Variants in PCDH9 observed in about 807,000 individuals in gnomAD.
The protein encoded by PCDH9 is protocadherin-9.
PCDH9 carries 24 observed loss-of-function variants against 70.6 expected under a neutral mutation model. That is an observed-to-expected ratio of 0.34 (90% CI 0.25 to 0.48). The LOEUF is 0.48. PCDH9 is among the 20% of genes least tolerant of loss of function. The probability of loss-of-function intolerance (pLI) is 0.99; values close to 1 mark genes in which losing one functional copy is unlikely to be tolerated. For synonymous variants in PCDH9, 562 were observed against 558.5 expected (o/e 1.01, Z -0.09); for missense variants, 1,281 against 1,503.6 (o/e 0.85, Z 2.45).
At chr13:66,931,595 T>C (rs909488336) in intron 2 of PCDH9, among the ~76,000 whole-genome samples, 1 of 152,134 alleles carries the variant, frequency 6.6e-6, no homozygotes, top group Non-Finnish European at 1.5e-5. Flanking sequence ...AAGTCAAAGA[T>C]GCAAATGCTA....
intron 2 of PCDH9, among the ~76,000 whole-genome samples, chr13:67,006,458 T>C (rs1487893275): frequency 1.3e-5 from 2 of 152,194 alleles, no homozygotes; most frequent in Admixed American, 6.5e-5. Context: ...AAAATACTGA[T>C]TGCCAAGTCT....
At chr13:66,639,812 ATTC>A (rs542132257) in intron 3 of PCDH9, among the ~76,000 whole-genome samples, 4 of 152,190 alleles carry the variant, frequency 2.6e-5, no homozygotes, top group Admixed American at 6.5e-5. Context: ...TGCTTCTTAT[ATTC>A]TTGTTTATTA....
At chr13:66,489,822 T>C (rs1013966811) in intron 4 of PCDH9, among the ~76,000 whole-genome samples, 5 of 152,202 alleles carry the variant, frequency 3.3e-5, no homozygotes, top group Admixed American at 1.3e-4. Context: ...GTTTCTGTTA[T>C]GATAAGAACA....
intron 3 of PCDH9, among the ~76,000 whole-genome samples, chr13:66,891,619 T>C (rs1007265326): frequency 2.0e-4 from 31 of 152,074 alleles, no homozygotes; most frequent in Non-Finnish European, 2.8e-4. Flanking sequence ...CTTCCAGGGA[T>C]AAATATGGAA....
chr13:66,396,363 T>C (rs1957101479), intron 4 of PCDH9, among the ~76,000 whole-genome samples: 2 of 152,214 alleles, frequency 1.3e-5, no homozygotes, highest in African/African-American at 2.4e-5. Context: ...GCCAAGGGCA[T>C]AGTAGCTTCT....
chr13:66,859,764 A>G (rs9540937), intron 3 of PCDH9, among the ~76,000 whole-genome samples: 13,487 of 152,214 alleles, frequency 0.089, 806 homozygotes, highest in Middle Eastern at 0.15. Flanking sequence ...TAATCCATGA[A>G]GAAGGTACAT....
intron 2 of PCDH9, among the ~76,000 whole-genome samples, chr13:67,197,535 T>C (rs570802119): frequency 1.4e-4 from 21 of 152,064 alleles, no homozygotes; most frequent in South Asian, 6.2e-4. Flanking sequence ...CCGGGAAGAT[T>C]TTATAGATGG....
chr13:66,628,622 T>A (rs2077529252), intron 4 of PCDH9, among the ~76,000 whole-genome samples: 1 of 152,170 alleles, frequency 6.6e-6, no homozygotes, highest in Non-Finnish European at 1.5e-5. Context: ...TGCCTTAGCC[T>A]CCCCAGTAAC....
chr13:66,356,498 A>G lies in PCDH9; in HGVS notation c.3341-51470T>C, dbSNP rs367741624. Among the ~76,000 whole-genome samples, 99 of 151,990 alleles carry G rather than the reference A, an allele frequency of 6.5e-4. 2 individuals are homozygous for G. Among genetic ancestry groups the G allele is most frequent in the African/African-American group, 2.3e-3 (94 of 41,488 alleles). On this transcript the variant is annotated intron_variant, in intron 4 of 4. Transcript: ENST00000377865. The stretch of plus-strand genomic sequence containing the variant: ...TTGTTCTACAATTCTAATAGCCTTC[A>G]TTTGTCTTTCTCACTAGTATTTTCT...
intron 4 of PCDH9, among the ~76,000 whole-genome samples, chr13:66,471,887 A>G (rs1669992042): frequency 6.6e-6 from 1 of 152,134 alleles, no homozygotes; most frequent in African/African-American, 2.4e-5. Context: ...CCCAAATTAC[A>G]TTTGTTCATG....
chr13:66,588,328 C>G lies in PCDH9; in HGVS notation c.3340+42882G>C, dbSNP rs377439727. On this transcript the variant is annotated intron_variant, in intron 4 of 4. Coordinates refer to ENST00000377865, the MANE Select transcript of PCDH9 (RefSeq NM_203487.3). ...TAATTTTTCTTCAGAGACAGAAATC[C>G]TTTAAGACCATTGTATCCTTAGGCT... Among the ~76,000 whole-genome samples, 3 of 151,918 alleles carry G rather than the reference C, an allele frequency of 2.0e-5. No individual in the cohort carries two copies. In the South Asian group the frequency reaches 6.3e-4, roughly 32 times the overall value.
At chr13:66,625,416 G>C (rs929802958) in intron 4 of PCDH9, among the ~76,000 whole-genome samples, 1 of 152,062 alleles carries the variant, frequency 6.6e-6, no homozygotes, top group Non-Finnish European at 1.5e-5. Flanking sequence ...AATTAGTGGA[G>C]GGAAGTTCTT....
At chr13:66,971,834 A>G (rs548608932) in intron 2 of PCDH9, among the ~76,000 whole-genome samples, 39 of 152,016 alleles carry the variant, frequency 2.6e-4, no homozygotes, top group Non-Finnish European at 4.9e-4. Flanking sequence ...ATAAAAATAA[A>G]TTAGTCCTTG....
In PCDH9 at chr13:66,944,817, C is replaced by CTGTGTGTGTGTGTGTG. The variant is rs67182136; in HGVS notation, c.3037-41228_3037-41213dup. On this transcript the variant is annotated intron_variant, in intron 2 of 4. Transcript: ENST00000377865. ...TTTAAGGCCCATCTTCTAATCGTCT[C>CTGTGTGTGTGTGTGTG]TGTGTGTGTGTGTGTGTGTGTGTGT... 7.5e-3 allele frequency among the ~76,000 whole-genome samples: 1,021 copies of CTGTGTGTGTGTGTGTG among 135,404 alleles called. 17 individuals carry two copies. Among genetic ancestry groups the CTGTGTGTGTGTGTGTG allele is most frequent in the African/African-American group, 0.026 (932 of 35,194 alleles). 88.8% of individuals were successfully genotyped at this position (135,404 alleles called of 152,430 possible). A position where few individuals can be genotyped will look rare whatever the true frequency, so the allele number is the denominator to read the frequency against.
At chr13:66,492,167 A>G (rs1277796039) in intron 4 of PCDH9, among the ~76,000 whole-genome samples, 1 of 152,100 alleles carries the variant, frequency 6.6e-6, no homozygotes, top group African/African-American at 2.4e-5. Context: ...CTACTTTTTC[A>G]TGATTTATAT....
chr13:66,555,866 G>T (rs1961714093), intron 4 of PCDH9, among the ~76,000 whole-genome samples: 1 of 148,558 alleles, frequency 6.7e-6, no homozygotes. Context: ...TAGATAATCG[G>T]TACTACAGTC....
intron 4 of PCDH9, among the ~76,000 whole-genome samples, chr13:66,385,996 TAAA>T (rs60534095): frequency 7.7e-6 from 1 of 129,144 alleles, no homozygotes. Context: ...ACGTATCTGA[TAAA>T]AAAAAAAAAA....
At chr13:67,183,521 T>C (rs1346837584) in intron 2 of PCDH9, among the ~76,000 whole-genome samples, 3 of 152,126 alleles carry the variant, frequency 2.0e-5, no homozygotes, top group Non-Finnish European at 4.4e-5. Context: ...TAAAGCAGAG[T>C]ACTCAGAAAA....
intron 4 of PCDH9, among the ~76,000 whole-genome samples, chr13:66,434,677 A>G (rs898173427): frequency 2.6e-5 from 4 of 152,040 alleles, no homozygotes; most frequent in Admixed American, 6.6e-5. Flanking sequence ...TATGTTTGTA[A>G]GCAGCACACA....
Sources: gnomAD v4.1 joint callset for allele counts (sites outside exome capture counted in the v4.1 genomes callset) on GRCh38, gnomAD v4.1.1 for gene constraint, MANE v1.5 for transcripts, NCBI Gene and HGNC (gene_info 2026-07-23, HGNC 2026-07-21) for gene names.